The following DGKB variants were observed in gnomAD, a reference collection of about 807,000 sequenced individuals.
The protein encoded by DGKB is diacylglycerol kinase beta, also known as 90 kDa diacylglycerol kinase.
DGKB carries 67 observed loss-of-function variants against 114.3 expected under a neutral mutation model. That is an observed-to-expected ratio of 0.59 (90% CI 0.48 to 0.72). The LOEUF is 0.72. Among genes scored for constraint, DGKB ranks in the 30% least tolerant of loss-of-function variants. The pLI is 0.00. For synonymous variants in DGKB, 398 were observed against 323.1 expected, an observed-to-expected ratio of 1.23 and a Z score of -2.49; for missense variants, 907 against 975.2, an observed-to-expected ratio of 0.93 and a Z score of 0.93.
chr7:14,693,250 T>A (rs1262667660), intron 9 of DGKB, among the ~76,000 whole-genome samples: 1 of 152,170 alleles, frequency 6.6e-6, no homozygotes, highest in Non-Finnish European at 1.5e-5. Context: ...CATGTTATTC[T>A]ATACATAGTA....
chr7:14,842,808 A>G (rs1848118644), intron 1 of DGKB, among the ~76,000 whole-genome samples: 1 of 152,194 alleles, frequency 6.6e-6, no homozygotes, highest in South Asian at 2.1e-4. Context: ...TGACAGGGTG[A>G]AAACAGCTGT....
intron 20 of DGKB, among the ~76,000 whole-genome samples, chr7:14,567,448 A>G (rs1252419756): frequency 3.2e-5 from 2 of 63,246 alleles, no homozygotes; most frequent in Non-Finnish European, 5.6e-5. Flanking sequence ...TATATTATAT[A>G]TTATATATAA....
chr7:14,359,317 T>A (rs1371615544), intron 21 of DGKB, among the ~76,000 whole-genome samples: 2 of 152,028 alleles, frequency 1.3e-5, no homozygotes, highest in East Asian at 1.9e-4. Flanking sequence ...AAAAATTAAT[T>A]CAAGATGGAT....
intron 1 of DGKB, among the ~76,000 whole-genome samples, chr7:14,887,050 C>A (rs938582786): frequency 6.6e-6 from 1 of 151,900 alleles, no homozygotes; most frequent in African/African-American, 2.4e-5. Flanking sequence ...CTTTCAGATT[C>A]TCTTGACTAG....
In DGKB at chr7:14,677,256, A is replaced by G. The variant is rs55791115; in HGVS notation, c.1036-4229T>C. 8.8e-3 allele frequency among the ~76,000 whole-genome samples: 1,345 copies of G among 152,140 alleles called. 16 individuals are homozygous for G. Among genetic ancestry groups the G allele is most frequent in the African/African-American group, 0.029 (1,215 of 41,542 alleles). On this transcript the variant is annotated intron_variant, in intron 12 of 25. Transcript: ENST00000402815. Reference sequence around the variant, plus strand: ...AGAAAATGGGATCTGAGAAGTCAAAAGGAGGAAAAATGGAAAATAAGTGTT... The same window carrying G: ...AGAAAATGGGATCTGAGAAGTCAAAGGGAGGAAAAATGGAAAATAAGTGTT...
chr7:14,811,165 C>A (rs762523425), intron 2 of DGKB, among the ~76,000 whole-genome samples: 7 of 152,018 alleles, frequency 4.6e-5, no homozygotes, highest in African/African-American at 1.2e-4. Flanking sequence ...CTGAAATACG[C>A]CAGATTTCTC....
At chr7:14,779,075 G>T (rs1463705090) in intron 2 of DGKB, among the ~76,000 whole-genome samples, 1 of 152,014 alleles carries the variant, frequency 6.6e-6, no homozygotes, top group African/African-American at 2.4e-5. Context: ...AGAATTGCTT[G>T]AACATGGGAG....
intron 5 of DGKB, among the ~76,000 whole-genome samples, chr7:14,727,670 C>T (rs1027109658): frequency 6.6e-6 from 1 of 152,112 alleles, no homozygotes; most frequent in African/African-American, 2.4e-5. Context: ...AGGAATTCCC[C>T]TATCTCATAG....
At chr7:14,545,337 T>A (rs1265653729) in intron 20 of DGKB, among the ~76,000 whole-genome samples, 1 of 152,204 alleles carries the variant, frequency 6.6e-6, no homozygotes, top group Non-Finnish European at 1.5e-5. Context: ...TTCGACCATG[T>A]TCCTGACTGA....
In DGKB at chr7:14,149,248, A is replaced by AAG. The variant is rs145349934; in HGVS notation, c.2305-12_2305-11dup. The stretch of plus-strand genomic sequence containing the variant: ...TGTGTGTAATTTTTATCTAGAAAAA[A>AAG]AGAGAGAGAGAGAGAGAGAAAGAAT... On this transcript the variant is annotated splice_polypyrimidine_tract_variant and intron_variant, in intron 25 of 25. Transcript: ENST00000402815. The AAG allele has an allele frequency of 9.4e-4, 1,435 of 1,533,312 alleles. 3 individuals are homozygous for AAG. Among genetic ancestry groups the AAG allele is most frequent in the South Asian group, 6.3e-3 (537 of 85,646 alleles). 95.0% of individuals were successfully genotyped at this position (1,533,312 alleles called of 1,614,324 possible).
At chr7:14,818,025 G>T (rs1486993252) in intron 2 of DGKB, among the ~76,000 whole-genome samples, 1 of 151,884 alleles carries the variant, frequency 6.6e-6, no homozygotes, top group African/African-American at 2.4e-5. Context: ...AAGCAACCCA[G>T]ATACCAACTG....
At chr7:14,667,704 CAG>C (rs1440231839) in intron 13 of DGKB, among the ~76,000 whole-genome samples, 1 of 152,100 alleles carries the variant, frequency 6.6e-6, no homozygotes, top group Non-Finnish European at 1.5e-5. Context: ...TGAAAAGGCT[CAG>C]AGCCTATCAG....
chr7:14,571,931 C>T (rs1000640167), intron 20 of DGKB, among the ~76,000 whole-genome samples: 1 of 152,090 alleles, frequency 6.6e-6, no homozygotes, highest in South Asian at 2.1e-4. Context: ...CAATGATAAC[C>T]ACTGTGGGCA....
intron 20 of DGKB, among the ~76,000 whole-genome samples, chr7:14,495,970 A>T (rs1785250512): frequency 6.6e-6 from 1 of 151,870 alleles, no homozygotes. Flanking sequence ...GGAAAAACTT[A>T]TGTTAAAAAT....
At chr7:14,741,727 G>A (rs1463016735) in intron 4 of DGKB, among the ~76,000 whole-genome samples, 3 of 152,090 alleles carry the variant, frequency 2.0e-5, no homozygotes, top group African/African-American at 7.2e-5. Context: ...AAAATACCTT[G>A]TATACTCGCA....
intron 23 of DGKB, among the ~76,000 whole-genome samples, chr7:14,285,007 A>AAAG (rs1800636833): frequency 1.5e-5 from 2 of 134,030 alleles, no homozygotes; most frequent in Admixed American, 8.4e-5. Flanking sequence ...AACTTAAAGT[A>AAAG]TAATAATAAA....
At chr7:14,942,443 T>C in intron 1 of DGKB, among the ~76,000 whole-genome samples, 1 of 152,064 alleles carries the variant, frequency 6.6e-6, no homozygotes, top group Non-Finnish European at 1.5e-5. Flanking sequence ...TTAATATTAA[T>C]CGCTTAACCT....
chr7:14,743,750 A>G lies in DGKB; in HGVS notation c.169-7556T>C, dbSNP rs535665417. On this transcript the variant is annotated intron_variant, in intron 4 of 25. Transcript: ENST00000402815. Reference sequence around the variant, plus strand: ...TAAGGTTGTTATATTAAGTTATTGTAAGCCACAGAGATAACCACATTTTGT... The same window carrying G: ...TAAGGTTGTTATATTAAGTTATTGTGAGCCACAGAGATAACCACATTTTGT... Among the ~76,000 whole-genome samples the G allele has an allele frequency of 1.2e-3, 176 of 152,322 alleles. 1 individual carries two copies. The highest frequency in any genetic ancestry group is 2.3e-3 in the Non-Finnish European group (154 of 68,020).
intron 25 of DGKB, among the ~76,000 whole-genome samples, chr7:14,151,651 T>G (rs2128212584): frequency 6.6e-6 from 1 of 152,166 alleles, no homozygotes; most frequent in African/African-American, 2.4e-5. Context: ...TCTTCTTGCT[T>G]GTTTAATCAT....
Sources: allele counts gnomAD v4.1 joint callset (sites outside exome capture counted in the v4.1 genomes callset), GRCh38; gene constraint gnomAD v4.1.1; transcripts MANE v1.5; gene names NCBI Gene and HGNC (gene_info 2026-07-23, HGNC 2026-07-21).